The following UNC5A variants were observed in gnomAD, a reference collection of about 807,000 sequenced individuals.
The protein encoded by UNC5A is netrin receptor UNC5A.
Under a neutral mutation model 87.4 loss-of-function variants are expected in UNC5A, and 20 were observed. The ratio of observed to expected loss-of-function variants is 0.23; its 90% CI spans 0.16 to 0.33. The LOEUF (loss-of-function observed/expected upper bound fraction) is 0.33. Among genes scored for constraint, UNC5A ranks in the 10% least tolerant of loss-of-function variants. The pLI is 1.00. For missense variants in UNC5A, 844 were observed against 1,133.4 expected (o/e 0.74, Z 3.67); for synonymous variants, 438 against 482.3 (o/e 0.91, Z 1.20).
intron 1 of UNC5A, among the ~76,000 whole-genome samples, chr5:176,815,971 T>G (rs892535981): frequency 3.3e-5 from 5 of 152,238 alleles, no homozygotes; most frequent in Non-Finnish European, 7.3e-5. Context: ...TCTCTGACTC[T>G]CAGGACATGG....
chr5:176,870,346 CCT>C (rs1758079545), intron 5 of UNC5A, 22 bp from the exon 6 acceptor site: 1 of 1,609,402 alleles, frequency 6.2e-7, no homozygotes, highest in South Asian at 1.1e-5. Context: ...CGCACCGTCT[CCT>C]CTCTGCTTGT....
intron 2 of UNC5A, among the ~76,000 whole-genome samples, chr5:176,863,822 T>C (rs1188166078): frequency 1.3e-5 from 1 of 78,980 alleles, no homozygotes; most frequent in Non-Finnish European, 2.6e-5. Flanking sequence ...CTCCCCCTCC[T>C]CCTCCTCCCC....
intron 1 of UNC5A, among the ~76,000 whole-genome samples, chr5:176,817,144 G>A (rs1756607966): frequency 6.6e-6 from 1 of 152,112 alleles, no homozygotes; most frequent in African/African-American, 2.4e-5. Context: ...TGGTGGGAGC[G>A]CCAAGGGCCA....
rs781250303 is a variant in UNC5A, at chr5:176,870,565, T to A, written c.886+31T>A. The A allele has an allele frequency of 3.2e-6, 5 of 1,546,980 alleles. No homozygotes were observed. The African/African-American group carries it at 5.5e-5, about 17-fold the overall frequency. On this transcript the variant is annotated intron_variant, in intron 6 of 14. Transcript: ENST00000329542. Reference sequence around the variant, plus strand: ...TCCTCTCTGCCCTGAGGTCCTCTTCTGTTTGCCTGGATTGGCCTTGCCCAG... The same window carrying A: ...TCCTCTCTGCCCTGAGGTCCTCTTCAGTTTGCCTGGATTGGCCTTGCCCAG...
intron 1 of UNC5A, among the ~76,000 whole-genome samples, chr5:176,829,553 G>A (rs995200922): frequency 2.4e-4 from 34 of 142,112 alleles, no homozygotes; most frequent in African/African-American, 8.1e-4. Context: ...ATGGGTGGAC[G>A]TATGAAAGAT....
chr5:176,829,691 T>G (rs542240361), intron 1 of UNC5A, among the ~76,000 whole-genome samples: 94 of 151,962 alleles, frequency 6.2e-4, no homozygotes, highest in African/African-American at 2.1e-3. Flanking sequence ...GGTGGATGAT[T>G]GTTCACGGGG....
intron 1 of UNC5A, among the ~76,000 whole-genome samples, chr5:176,839,807 CTTTTTTTTTTTT>C (rs58515865): frequency 2.1e-4 from 26 of 123,884 alleles, no homozygotes; most frequent in African/African-American, 7.0e-4. Context: ...CGGCCACTTC[CTTTTTTTTTTTT>C]TTTTTTTTTT....
chr5:176,842,218 A>G (rs1420972748), intron 1 of UNC5A, among the ~76,000 whole-genome samples: 4 of 152,194 alleles, frequency 2.6e-5, no homozygotes, highest in Non-Finnish European at 5.9e-5. Context: ...AAATCAAAAA[A>G]CAGTAGATGT....
chr5:176,850,425 G>C (rs536119571), intron 1 of UNC5A, among the ~76,000 whole-genome samples: 34 of 152,146 alleles, frequency 2.2e-4, no homozygotes, highest in Non-Finnish European at 4.1e-4. Context: ...TTGGGTGGTG[G>C]GGCCGGGGGT....
At chr5:176,842,823 C>T (rs1186870244) in intron 1 of UNC5A, among the ~76,000 whole-genome samples, 1 of 152,120 alleles carries the variant, frequency 6.6e-6, no homozygotes, top group East Asian at 1.9e-4. Flanking sequence ...TAACCGAATA[C>T]CACCTGTTCC....
chr5:176,813,111 G>A (rs957896849), intron 1 of UNC5A, among the ~76,000 whole-genome samples: 1 of 152,200 alleles, frequency 6.6e-6, no homozygotes, highest in African/African-American at 2.4e-5. Context: ...CAGCATGCTC[G>A]CACCTGCAGG....
chr5:176,840,367 C>T (rs1410820456), intron 1 of UNC5A, among the ~76,000 whole-genome samples: 3 of 152,062 alleles, frequency 2.0e-5, no homozygotes, highest in Admixed American at 6.5e-5. Flanking sequence ...GGCTGTGAGT[C>T]GGGGGAGGGG....
At chr5:176,835,729 A>ATG (rs55990257) in intron 1 of UNC5A, among the ~76,000 whole-genome samples, 13,528 of 144,238 alleles carry the variant, frequency 0.094, 571 homozygotes, top group South Asian at 0.12. Flanking sequence ...TTGATAAAGG[A>ATG]TGTGTGTGTG....
In UNC5A at chr5:176,878,070, C is replaced by T; in HGVS notation, c.1812C>T (p.Thr604=). ...KLLLFAPVAC[T]SLEYNIRVYC... is the part of the protein sequence containing the mutation. ...TTCTGTTTGCGCCGGTGGCCTGCAC[C>T]TCCCTCGAGTACAACATCCGGGTCT... Residue 604 remains threonine (T), a synonymous_variant, in exon 11 of 15, where the codon ACC becomes ACT. Coordinates refer to ENST00000329542, the MANE Select transcript of UNC5A (RefSeq NM_133369.3). 2 of 1,609,978 alleles carry T rather than the reference C, an allele frequency of 1.2e-6. No homozygotes were observed. The highest frequency in any genetic ancestry group is 1.7e-6 in the Non-Finnish European group (2 of 1,179,940).
Position 176,877,216 on chromosome 5 carries a change from A to G in UNC5A, c.1403A>G (p.Asp468Gly), listed in dbSNP as rs377606855. Residue 468 changes from aspartate (D) to glycine (G), a missense_variant, in exon 9 of 15, where the codon GAT becomes GGT. Transcript: ENST00000329542. The stretch of plus-strand genomic sequence containing the variant: ...GGAATCAGCCTCCTCATCCCCCCAG[A>G]TGCCATACCCCGAGGGAAGATCTAT... ...NTGISLLIPPDAIPRGKIYEI... is the reference protein window; with the variant it reads ...NTGISLLIPPGAIPRGKIYEI... The G allele has an allele frequency of 1.2e-6, 2 of 1,612,670 alleles. No homozygotes were observed. The highest frequency in any genetic ancestry group is 1.1e-5 in the South Asian group (1 of 91,080).
rs1236864198 is a variant in UNC5A at position 176,878,589 on chromosome 5, C to G, written c.2134C>G (p.Gln712Glu). ...CCTGGCCTGCAAGCTGTGGGTGTGG[C>G]AGGTGGAGGGCGACGGGCAGAGCTT... ...SDLACKLWVW[Q>E]VEGDGQSFSI... Residue 712 changes from glutamine (Q) to glutamate (E), a missense_variant, in exon 13 of 15, where the codon CAG becomes GAG. Transcript: ENST00000329542. 2 of 1,612,884 alleles carry G rather than the reference C, an allele frequency of 1.2e-6. No homozygotes were observed.
chr5:176,820,081 T>C (rs1366634348), intron 1 of UNC5A, among the ~76,000 whole-genome samples: 1 of 151,300 alleles, frequency 6.6e-6, no homozygotes, highest in East Asian at 2.0e-4. Flanking sequence ...GCTAACACGG[T>C]GAAACCTCGT....
At chr5:176,853,699 G>T (rs377472156) in intron 1 of UNC5A, among the ~76,000 whole-genome samples, 9 of 152,298 alleles carry the variant, frequency 5.9e-5, no homozygotes, top group Non-Finnish European at 1.2e-4. Flanking sequence ...CTCCACATCC[G>T]GCACGCTCCT....
chr5:176,854,122 C>T (rs919721570), intron 1 of UNC5A, among the ~76,000 whole-genome samples: 6 of 152,086 alleles, frequency 3.9e-5, no homozygotes, highest in Non-Finnish European at 5.9e-5. Context: ...CATGGCACCC[C>T]GTTGTTACCT....
Sources: allele counts gnomAD v4.1 joint callset (sites outside exome capture counted in the v4.1 genomes callset), GRCh38; gene constraint gnomAD v4.1.1; transcripts MANE v1.5; gene names NCBI Gene and HGNC (gene_info 2026-07-23, HGNC 2026-07-21).